Variants in JAZF1 observed in about 807,000 individuals in gnomAD.
The protein encoded by JAZF1 is juxtaposed with another zinc finger protein 1.
A neutral mutation model predicts 26.4 loss-of-function variants in JAZF1; 8 were observed. The ratio of observed to expected loss-of-function variants is 0.30; its 90% CI spans 0.18 to 0.55. The LOEUF is 0.55. JAZF1 is among the 20% of genes least tolerant of loss of function. JAZF1 has a pLI of 0.94. For synonymous variants in JAZF1, 126 were observed against 122.3 expected, an observed-to-expected ratio of 1.03 and a Z score of -0.20; for missense variants, 199 against 322.0, an observed-to-expected ratio of 0.62 and a Z score of 2.92.
chr7:28,165,998 A>T (rs867020319), intron 1 of JAZF1, among the ~76,000 whole-genome samples: 36 of 151,276 alleles, frequency 2.4e-4, no homozygotes, highest in East Asian at 1.4e-3. Flanking sequence ...CATGAAAAAT[A>T]AAAAAAAAGC....
At chr7:28,095,191 T>C (rs1784363566) in intron 1 of JAZF1, among the ~76,000 whole-genome samples, 1 of 152,200 alleles carries the variant, frequency 6.6e-6, no homozygotes, top group African/African-American at 2.4e-5. Context: ...ACAATCATTC[T>C]ACATATTTGT....
At chr7:27,897,194 G>A (rs984786349) in intron 2 of JAZF1, among the ~76,000 whole-genome samples, 1 of 152,166 alleles carries the variant, frequency 6.6e-6, no homozygotes, top group Admixed American at 6.5e-5. Context: ...ACAGGCTGCT[G>A]CTTCCAGGAA....
chr7:27,932,945 G>A (rs896336694), intron 2 of JAZF1, among the ~76,000 whole-genome samples: 1 of 152,168 alleles, frequency 6.6e-6, no homozygotes, highest in African/African-American at 2.4e-5. Flanking sequence ...CACCAGACAT[G>A]TGTAAAGATG....
At chr7:27,888,877 C>T (rs1423012026) in intron 3 of JAZF1, among the ~76,000 whole-genome samples, 1 of 151,984 alleles carries the variant, frequency 6.6e-6, no homozygotes, top group African/African-American at 2.4e-5. Flanking sequence ...AAATATTTTC[C>T]AGGAGTAACT....
chr7:28,101,066 T>G (rs1784463717), intron 1 of JAZF1, among the ~76,000 whole-genome samples: 1 of 152,232 alleles, frequency 6.6e-6, no homozygotes, highest in South Asian at 2.1e-4. Context: ...AAGTTTACAT[T>G]TTCAGAACTG....
chr7:28,013,085 G>A (rs535653625), intron 1 of JAZF1, among the ~76,000 whole-genome samples: 2 of 152,254 alleles, frequency 1.3e-5, no homozygotes, highest in East Asian at 1.9e-4. Context: ...TTATCAAGTA[G>A]CGGCTCCTTG....
intron 1 of JAZF1, among the ~76,000 whole-genome samples, chr7:28,026,369 C>G (rs1430446430): frequency 6.6e-6 from 1 of 152,120 alleles, no homozygotes; most frequent in African/African-American, 2.4e-5. Context: ...CAAAAGAGGA[C>G]TAAAAGAATA....
chr7:28,009,497 T>G (rs1385419140), intron 1 of JAZF1, among the ~76,000 whole-genome samples: 1 of 152,094 alleles, frequency 6.6e-6, no homozygotes, highest in Non-Finnish European at 1.5e-5. Flanking sequence ...CTTTTTTTTT[T>G]TTTTGAGACA....
At chr7:27,981,113 G>A (rs1346732848) in intron 2 of JAZF1, among the ~76,000 whole-genome samples, 3 of 152,104 alleles carry the variant, frequency 2.0e-5, no homozygotes, top group South Asian at 2.1e-4. Context: ...AAAATCATTC[G>A]TAAACTTACT....
intron 2 of JAZF1, among the ~76,000 whole-genome samples, chr7:27,958,770 G>A (rs1010569820): frequency 2.6e-5 from 4 of 152,210 alleles, no homozygotes; most frequent in East Asian, 1.9e-4. Flanking sequence ...CAGTCCAGAC[G>A]GTACCACATC....
chr7:28,157,549 T>C (rs546291698), intron 1 of JAZF1, among the ~76,000 whole-genome samples: 1 of 152,300 alleles, frequency 6.6e-6, no homozygotes, highest in Non-Finnish European at 1.5e-5. Flanking sequence ...ATGCGGGCTG[T>C]ACAAAAACAG....
chr7:27,896,057 A>G (rs189884492), intron 2 of JAZF1, among the ~76,000 whole-genome samples: 2 of 152,320 alleles, frequency 1.3e-5, no homozygotes, highest in Non-Finnish European at 2.9e-5. Context: ...AACTGCATAC[A>G]TCTGCCCAGG....
rs549580240 is a variant in JAZF1 at position 27,877,671 on chromosome 7, C to T, written c.385+17549G>A. On this transcript the variant is annotated intron_variant, in intron 3 of 4. Transcript: ENST00000283928. Reference sequence around the variant, plus strand: ...CCGAGTCTCATATCCAAATGCAAAACCCATTCTGGCAAGTCAGCATCTTCT... The same window carrying T: ...CCGAGTCTCATATCCAAATGCAAAATCCATTCTGGCAAGTCAGCATCTTCT... Among the ~76,000 whole-genome samples the T allele has an allele frequency of 3.3e-5, 5 of 152,350 alleles. No individual in the cohort carries two copies. The South Asian group carries it at 1.0e-3, about 32-fold the overall frequency.
At chr7:27,939,423 T>A (rs953510873) in intron 2 of JAZF1, among the ~76,000 whole-genome samples, 2 of 152,046 alleles carry the variant, frequency 1.3e-5, no homozygotes, top group Admixed American at 1.3e-4. Context: ...TTGCAGGGTG[T>A]GGTTCCCAGG....
In JAZF1 at chr7:27,840,386, T is replaced by G. The variant is rs565833063; in HGVS notation, c.555+312A>C. Among the ~76,000 whole-genome samples, 34 of 152,382 alleles carry G rather than the reference T, an allele frequency of 2.2e-4. No homozygotes were observed. Among genetic ancestry groups the G allele is most frequent in the Non-Finnish European group, 4.4e-4 (30 of 68,038 alleles). On this transcript the variant is annotated intron_variant, in intron 4 of 4. Transcript: ENST00000283928. The surrounding 1 kb of genome is among the most constrained non-coding windows in gnomAD (Gnocchi z 5.1). ...TGACATATTTGATATTCTGTTCTGA[T>G]GGGTCCCCCAATATGACATGAATTT...
intron 3 of JAZF1, among the ~76,000 whole-genome samples, chr7:27,889,282 G>C (rs111694365): frequency 0.02 from 3,060 of 151,620 alleles, 100 homozygotes; most frequent in African/African-American, 0.07. Flanking sequence ...GTTTTCAGAG[G>C]TTCAATGGGG....
intron 1 of JAZF1, among the ~76,000 whole-genome samples, chr7:28,024,054 G>A (rs1014920982): frequency 5.9e-5 from 9 of 151,964 alleles, no homozygotes; most frequent in African/African-American, 2.2e-4. Flanking sequence ...GGGAGGCCAA[G>A]GTGGGAGGAT....
chr7:28,068,351 T>C (rs1222616036), intron 1 of JAZF1, among the ~76,000 whole-genome samples: 2 of 152,144 alleles, frequency 1.3e-5, no homozygotes, highest in Non-Finnish European at 2.9e-5. Context: ...GGCATGCAAT[T>C]GGTCAGTAAA....
At chr7:28,131,555 A>G (rs1310490614) in intron 1 of JAZF1, among the ~76,000 whole-genome samples, 1 of 152,198 alleles carries the variant, frequency 6.6e-6, no homozygotes, top group African/African-American at 2.4e-5. Flanking sequence ...CACAAAATGA[A>G]CAGACATTTG....
Sources: allele counts gnomAD v4.1 joint callset (sites outside exome capture counted in the v4.1 genomes callset), GRCh38; gene constraint gnomAD v4.1.1; non-coding constraint Gnocchi (gnomAD v3.1); transcripts MANE v1.5; gene names NCBI Gene and HGNC (gene_info 2026-07-23, HGNC 2026-07-21).